SENP7: variants seen among roughly 807,000 people sequenced by gnomAD.
SENP7 encodes sentrin-specific protease 7.
Under a neutral mutation model 141.2 loss-of-function variants are expected in SENP7, and 64 were observed. The ratio of observed to expected loss-of-function variants is 0.45; its 90% CI spans 0.37 to 0.56. SENP7 has a LOEUF of 0.56. SENP7 is among the 20% of genes least tolerant of loss of function. The probability of loss-of-function intolerance (pLI) is 0.00; values close to 1 mark genes in which losing one functional copy is unlikely to be tolerated. For missense variants in SENP7, 1,025 were observed against 1,212.2 expected (o/e 0.85, Z 2.29); for synonymous variants, 382 against 426.4 (o/e 0.90, Z 1.28).
In SENP7 at chr3:101,513,187, C is replaced by T; in HGVS notation, c.-57G>A. On this transcript the variant is annotated 5_prime_UTR_variant, in exon 1 of 24. Transcript: ENST00000394095. ...CGCTGTCACCTCAGGACCCCTCCGGCTTGGAGAGGGAGGGGGAGGGGAAAG... is the reference window on the plus strand; with the variant it reads ...CGCTGTCACCTCAGGACCCCTCCGGTTTGGAGAGGGAGGGGGAGGGGAAAG... 1.6e-6 allele frequency: 1 copy of T among 623,592 alleles called. No homozygotes were observed. Among genetic ancestry groups the T allele is most frequent in the South Asian group, 1.4e-5 (1 of 70,484 alleles). The allele number at this position is 623,592 out of a possible 1,614,324, so 38.6% of individuals were successfully genotyped here.
At chr3:101,383,968 G>A (rs1202460775) in intron 6 of SENP7, among the ~76,000 whole-genome samples, 1 of 152,312 alleles carries the variant, frequency 6.6e-6, no homozygotes, top group African/African-American at 2.4e-5. Context: ...CTGAGCCATG[G>A]CTGCCTATGG....
chr3:101,438,984 T>C lies in SENP7; in HGVS notation c.284+19971A>G, dbSNP rs1459114303. ...CTGGGAAGTGAGGAGTGTCTCTGCC[T>C]GGCTGCCCATCGTCTGGGATGTGAG... On this transcript the variant is annotated intron_variant, in intron 4 of 23. Coordinates refer to ENST00000394095, the MANE Select transcript of SENP7 (RefSeq NM_020654.5). Among the ~76,000 whole-genome samples, 39 of 136,798 alleles carry C rather than the reference T, an allele frequency of 2.9e-4. 1 individual carries two copies. The highest frequency in any genetic ancestry group is 1.0e-3 in the African/African-American group (38 of 38,120). 89.7% of individuals were successfully genotyped at this position (136,798 alleles called of 152,430 possible).
At chr3:101,335,232 AATATT>A (rs778542924) in intron 17 of SENP7, among the ~76,000 whole-genome samples, 41 of 152,324 alleles carry the variant, frequency 2.7e-4, no homozygotes, top group Non-Finnish European at 4.3e-4. Context: ...GAGAGGAAAC[AATATT>A]ATGAGATGAG....
chr3:101,363,931 G>A (rs2059966475), intron 10 of SENP7, among the ~76,000 whole-genome samples: 2 of 152,198 alleles, frequency 1.3e-5, no homozygotes, highest in South Asian at 4.1e-4. Context: ...ATAAGAAAGA[G>A]TACCAGCTGG....
chr3:101,419,086 T>G (rs947011966), intron 4 of SENP7, among the ~76,000 whole-genome samples: 2 of 152,290 alleles, frequency 1.3e-5, no homozygotes, highest in Admixed American at 6.5e-5. Flanking sequence ...CTGAGCCAAG[T>G]TTCTGAGAAT....
intron 13 of SENP7, among the ~76,000 whole-genome samples, chr3:101,345,372 G>T (rs2059431006): frequency 6.6e-6 from 1 of 152,118 alleles, no homozygotes; most frequent in Non-Finnish European, 1.5e-5. Flanking sequence ...TGTTTGTGTT[G>T]TCTATGATTT....
chr3:101,459,116 GTTCT>G lies in SENP7; in HGVS notation c.187-68_187-65del, dbSNP rs370885209. On this transcript the variant is annotated intron_variant, in intron 3 of 23. Transcript: ENST00000394095. ...CAATATGACAAGAGGCATTTAAACT[GTTCT>G]TTTTTATTTGGAAATTTGTTATAAA... The G allele has an allele frequency of 5.9e-4, 529 of 891,956 alleles. 8 individuals are homozygous for G. In the East Asian group the frequency reaches 0.011, roughly 18 times the overall value. The allele number at this position is 891,956 out of a possible 1,614,324, so 55.3% of individuals were successfully genotyped here. A position where few individuals can be genotyped will look rare whatever the true frequency, so the allele number is the denominator to read the frequency against.
chr3:101,500,920 T>G (rs2065351917), intron 2 of SENP7, 150 bp downstream of exon 2: 1 of 553,542 alleles, frequency 1.8e-6, no homozygotes, highest in Non-Finnish European at 3.2e-6. Flanking sequence ...CTGGTTAACC[T>G]TCAGTTAATT....
At chr3:101,494,864 C>T (rs2065102911) in intron 2 of SENP7, among the ~76,000 whole-genome samples, 1 of 152,026 alleles carries the variant, frequency 6.6e-6, no homozygotes, top group East Asian at 1.9e-4. Context: ...CAAGGCAATA[C>T]CATTCAGGAC....
intron 3 of SENP7, among the ~76,000 whole-genome samples, chr3:101,463,035 T>C (rs1029030337): frequency 2.6e-5 from 4 of 152,028 alleles, no homozygotes; most frequent in African/African-American, 9.7e-5. Context: ...ATCCTTATTA[T>C]ACAAAGAATT....
intron 4 of SENP7, among the ~76,000 whole-genome samples, chr3:101,429,945 C>T (rs1227597790): frequency 4.6e-5 from 7 of 152,098 alleles, no homozygotes; most frequent in Non-Finnish European, 1.0e-4. Context: ...TTGAGATAAT[C>T]ATGTGGTTTT....
chr3:101,483,361 T>C (rs375535200), intron 3 of SENP7, among the ~76,000 whole-genome samples: 11 of 152,200 alleles, frequency 7.2e-5, no homozygotes, highest in African/African-American at 2.4e-4. Context: ...TTCTCACTTA[T>C]GGCCACCCAT....
chr3:101,360,285 C>T (rs1346425462), intron 11 of SENP7, among the ~76,000 whole-genome samples: 1 of 152,298 alleles, frequency 6.6e-6, no homozygotes, highest in East Asian at 1.9e-4. Context: ...TCTTTGTCTG[C>T]ATGGGTACCA....
intron 2 of SENP7, among the ~76,000 whole-genome samples, chr3:101,495,032 G>A (rs934711078): frequency 5.3e-5 from 8 of 152,004 alleles, no homozygotes; most frequent in South Asian, 4.1e-4. Context: ...CAGTCTATCC[G>A]TCTGACAAAC....
intron 2 of SENP7, among the ~76,000 whole-genome samples, chr3:101,497,934 C>A (rs891997964): frequency 7.9e-5 from 12 of 152,210 alleles, no homozygotes; most frequent in Non-Finnish European, 1.8e-4. Flanking sequence ...TCCCAAGTAG[C>A]TGGGATTCCA....
At chr3:101,413,297 G>A (rs949403911) in intron 5 of SENP7, among the ~76,000 whole-genome samples, 2 of 152,138 alleles carry the variant, frequency 1.3e-5, no homozygotes, top group Non-Finnish European at 2.9e-5. Context: ...TATATAGCAA[G>A]TATCAGGTAG....
intron 5 of SENP7, among the ~76,000 whole-genome samples, chr3:101,413,383 T>A (rs537835244): frequency 1.5e-4 from 23 of 152,258 alleles, no homozygotes; most frequent in African/African-American, 5.5e-4. Flanking sequence ...CTTTTCCTGG[T>A]TGTCACCAAA....
intron 11 of SENP7, among the ~76,000 whole-genome samples, chr3:101,360,674 C>T (rs1437454597): frequency 3.3e-5 from 5 of 152,298 alleles, no homozygotes; most frequent in East Asian, 3.9e-4. Context: ...AAAACTGTGG[C>T]TCTTCACCAT....
At chr3:101,375,570 A>G (rs1477834262) in intron 6 of SENP7, among the ~76,000 whole-genome samples, 1 of 149,484 alleles carries the variant, frequency 6.7e-6, no homozygotes, top group Non-Finnish European at 1.5e-5. Flanking sequence ...AAAAAAAAAG[A>G]AGCTAAACAC....
Sources: allele counts gnomAD v4.1 joint callset (sites outside exome capture counted in the v4.1 genomes callset), GRCh38; gene constraint gnomAD v4.1.1; transcripts MANE v1.5; gene names NCBI Gene and HGNC (gene_info 2026-07-23, HGNC 2026-07-21).